ZSCAN5A: variants seen among roughly 807,000 people sequenced by gnomAD.
ZSCAN5A encodes zinc finger and SCAN domain containing 5A, also known as zinc finger and SCAN domain-containing protein 5A.
ZSCAN5A carries 12 observed loss-of-function variants against 23.7 expected under a neutral mutation model. That is an observed-to-expected ratio of 0.51 (90% CI 0.32 to 0.82). The LOEUF (loss-of-function observed/expected upper bound fraction) is 0.82. Among genes scored for constraint, ZSCAN5A ranks in the 40% least tolerant of loss-of-function variants. The pLI is 0.03. For missense variants in ZSCAN5A, 597 were observed against 617.9 expected (o/e 0.97, Z 0.36); for synonymous variants, 257 against 239.9 (o/e 1.07, Z -0.66).
chr19:56,230,154 C>G (rs149755470), intron 2 of ZSCAN5A, among the ~76,000 whole-genome samples: 31 of 152,208 alleles, frequency 2.0e-4, no homozygotes, highest in African/African-American at 7.2e-4. Context: ...CTCTGTCACC[C>G]AGGCTCACTG....
rs540386597 is a variant in ZSCAN5A, at chr19:56,221,926, G to C, written c.1140C>G (p.Gly380=). The change falls in exon 6 of 6, where the codon GGC becomes GGG. Residue 380 remains glycine (G), a synonymous_variant. Transcript: ENST00000683990. ...KLVIHKRSHT[G]ERLFQCNLCG... is the part of the protein sequence containing the mutation. ...AGAGATTACATTGAAAGAGTCTCTC[G>C]CCTGTGTGTGATCTCTTGTGGATGA... The C allele has an allele frequency of 6.2e-7, 1 of 1,614,144 alleles. No homozygotes were observed. The highest frequency in any genetic ancestry group is 1.7e-5 in the Admixed American group (1 of 60,024).
chr19:56,327,648 T>C (rs2041447379), intron 2 of ZSCAN5A, among the ~76,000 whole-genome samples: 1 of 151,428 alleles, frequency 6.6e-6, no homozygotes, highest in African/African-American at 2.4e-5. Flanking sequence ...AGTGCATGCA[T>C]ATCTTATACT....
intron 2 of ZSCAN5A, among the ~76,000 whole-genome samples, chr19:56,339,784 G>T (rs895560598): frequency 7.0e-6 from 1 of 142,242 alleles, no homozygotes; most frequent in Non-Finnish European, 1.5e-5. Context: ...GGTTGTAGCC[G>T]CATTTAGCAA....
intron 2 of ZSCAN5A, among the ~76,000 whole-genome samples, chr19:56,334,646 A>G (rs1056009859): frequency 1.3e-5 from 2 of 152,194 alleles, no homozygotes; most frequent in African/African-American, 4.8e-5. Context: ...GCAGAATTCC[A>G]TCTTTGCTAT....
chr19:56,238,033 AAGC>A (rs1568627901), intron 2 of ZSCAN5A, among the ~76,000 whole-genome samples: 6 of 17,366 alleles, frequency 3.5e-4, no homozygotes, highest in African/African-American at 7.5e-4. Flanking sequence ...AACAAAAAGC[AAGC>A]CAGGAGTCGT....
intron 2 of ZSCAN5A, chr19:56,320,551 G>A: frequency 2.1e-6 from 1 of 468,424 alleles, no homozygotes; most frequent in East Asian, 4.4e-5. Context: ...GGCGGTGATT[G>A]CAGTGAGCCG....
chr19:56,231,058 C>T (rs953616553), intron 2 of ZSCAN5A, among the ~76,000 whole-genome samples: 1 of 152,092 alleles, frequency 6.6e-6, no homozygotes, highest in Non-Finnish European at 1.5e-5. Flanking sequence ...CAAAAAAACA[C>T]GAAAGTTCAC....
At chr19:56,250,433 T>TTA (rs1221059815) in intron 2 of ZSCAN5A, among the ~76,000 whole-genome samples, 5 of 152,218 alleles carry the variant, frequency 3.3e-5, no homozygotes, top group African/African-American at 1.2e-4. Flanking sequence ...CCTCAAATTT[T>TTA]TAATGTGCAT....
chr19:56,230,838 G>A (rs1037184074), intron 2 of ZSCAN5A, among the ~76,000 whole-genome samples: 3 of 152,076 alleles, frequency 2.0e-5, no homozygotes, highest in African/African-American at 7.2e-5. Flanking sequence ...TACCTTCGAC[G>A]TGCTCAGAAC....
chr19:56,362,730 G>A (rs184489645), intron 2 of ZSCAN5A, among the ~76,000 whole-genome samples: 320 of 152,116 alleles, frequency 2.1e-3, no homozygotes, highest in Non-Finnish European at 3.5e-3. Flanking sequence ...AATTAGCCAG[G>A]TATAGTGGCA....
chr19:56,230,546 C>G (rs2034368761), intron 2 of ZSCAN5A, among the ~76,000 whole-genome samples: 1 of 152,024 alleles, frequency 6.6e-6, no homozygotes, highest in Non-Finnish European at 1.5e-5. Flanking sequence ...CTCAAGCAAT[C>G]CTGCTTCAGC....
At chr19:56,265,504 C>G (rs148547857) in intron 2 of ZSCAN5A, among the ~76,000 whole-genome samples, 1 of 151,872 alleles carries the variant, frequency 6.6e-6, no homozygotes, top group African/African-American at 2.4e-5. Context: ...AGAAGGACAG[C>G]AGCCAGAGGT....
intron 2 of ZSCAN5A, chr19:56,343,222 T>C: frequency 1.3e-6 from 1 of 793,426 alleles, no homozygotes; most frequent in South Asian, 1.4e-5. Flanking sequence ...CCAAAGCAAC[T>C]TCTTTCTGGT....
intron 2 of ZSCAN5A, chr19:56,243,906 GT>G (rs914558443): frequency 7.5e-4 from 358 of 478,588 alleles, no homozygotes; most frequent in Non-Finnish European, 9.4e-4. Flanking sequence ...TCGGGCTCAT[GT>G]TTTTTTTTGC....
chr19:56,269,538 G>C lies in ZSCAN5A; in HGVS notation c.-128+43745C>G, dbSNP rs573436342. ...CTGACCTTGTGGGGAGATTATCCTGGATTACTGGGGTAGGTCCAATGTAAT... is the reference window on the plus strand; with the variant it reads ...CTGACCTTGTGGGGAGATTATCCTGCATTACTGGGGTAGGTCCAATGTAAT... On this transcript the variant is annotated intron_variant, in intron 2 of 5. Coordinates refer to ENST00000683990, the MANE Select transcript of ZSCAN5A (RefSeq NM_001322064.3). Among the ~76,000 whole-genome samples, 9 of 152,260 alleles carry C rather than the reference G, an allele frequency of 5.9e-5. No homozygotes were observed. The East Asian group carries it at 9.6e-4, about 16-fold the overall frequency.
chr19:56,326,969 TGACCC>T (rs1166060772), intron 2 of ZSCAN5A, among the ~76,000 whole-genome samples: 2 of 152,160 alleles, frequency 1.3e-5, no homozygotes, highest in African/African-American at 4.8e-5. Flanking sequence ...TGCTATATGC[TGACCC>T]ACCTACAATG....
chr19:56,224,584 G>A (rs2033709875), intron 3 of ZSCAN5A, 79 bp downstream of exon 3: 5 of 1,512,878 alleles, frequency 3.3e-6, no homozygotes, highest in African/African-American at 1.4e-5. Flanking sequence ...AGCCCCTCGG[G>A]TCCTCTCGAG....
chr19:56,290,045 C>A (rs896878652), intron 2 of ZSCAN5A, among the ~76,000 whole-genome samples: 2 of 152,138 alleles, frequency 1.3e-5, no homozygotes, highest in East Asian at 1.9e-4. Context: ...CAAATGGAAC[C>A]CAAGTTATAA....
At chr19:56,301,242 T>A (rs2040207792) in intron 2 of ZSCAN5A, among the ~76,000 whole-genome samples, 1 of 152,168 alleles carries the variant, frequency 6.6e-6, no homozygotes, top group Non-Finnish European at 1.5e-5. Context: ...CTCCTTATAG[T>A]TATTTCCTGA....
Sources: allele counts gnomAD v4.1 joint callset (sites outside exome capture counted in the v4.1 genomes callset), GRCh38; gene constraint gnomAD v4.1.1; transcripts MANE v1.5; gene names NCBI Gene and HGNC (gene_info 2026-07-23, HGNC 2026-07-21).